CSMD1: variants seen among roughly 807,000 people sequenced by gnomAD.
CSMD1 encodes CUB and sushi domain-containing protein 1.
CSMD1 carries 213 observed loss-of-function variants against 417.5 expected under a neutral mutation model. The observed-to-expected ratio is 0.51, with a 90% confidence interval of 0.46 to 0.57. CSMD1 has a LOEUF of 0.57. CSMD1 is among the 20% of genes least tolerant of loss of function. CSMD1 has a pLI of 0.00. For synonymous variants in CSMD1, 2,862 were observed against 1,736.8 expected, an observed-to-expected ratio of 1.65 and a Z score of -16.11; for missense variants, 6,923 against 4,529.7, an observed-to-expected ratio of 1.53 and a Z score of -15.17.
At chr8:3,898,591 T>G (rs991671391) in intron 5 of CSMD1, among the ~76,000 whole-genome samples, 8 of 152,200 alleles carry the variant, frequency 5.3e-5, no homozygotes, top group African/African-American at 1.9e-4. Flanking sequence ...GAAAAAAGAT[T>G]TGCCTGGGGG....
At chr8:4,901,611 G>C (rs11136789) in intron 1 of CSMD1, among the ~76,000 whole-genome samples, 92,426 of 151,982 alleles carry the variant, frequency 0.61, 28,688 homozygotes, top group East Asian at 0.75. Flanking sequence ...ATTAGCCTTT[G>C]TCCCCATACT....
At chr8:4,186,572 G>C (rs537420080) in intron 3 of CSMD1, among the ~76,000 whole-genome samples, 42 of 152,262 alleles carry the variant, frequency 2.8e-4, no homozygotes, top group African/African-American at 9.6e-4. Context: ...ATAATAGGAA[G>C]GGTCTCAGCA....
chr8:4,288,765 G>C (rs1180115823), intron 3 of CSMD1, among the ~76,000 whole-genome samples: 1 of 152,130 alleles, frequency 6.6e-6, no homozygotes, highest in Non-Finnish European at 1.5e-5. Flanking sequence ...CCAACTCTAA[G>C]ATCTGATACC....
chr8:4,733,566 G>A (rs1810037337), intron 1 of CSMD1, among the ~76,000 whole-genome samples: 1 of 152,226 alleles, frequency 6.6e-6, no homozygotes, highest in Non-Finnish European at 1.5e-5. Context: ...ACAAAGCTAT[G>A]TGGTGTAAGA....
chr8:3,412,277 G>C (rs1318026336), intron 12 of CSMD1, among the ~76,000 whole-genome samples: 1 of 151,330 alleles, frequency 6.6e-6, no homozygotes, highest in African/African-American at 2.4e-5. Flanking sequence ...TTTTGCAATT[G>C]CAAATTGTGC....
At chr8:3,340,653 G>C (rs1484349511) in intron 23 of CSMD1, among the ~76,000 whole-genome samples, 1 of 152,062 alleles carries the variant, frequency 6.6e-6, no homozygotes, top group Non-Finnish European at 1.5e-5. Context: ...ATTTGATTCA[G>C]GTATTTGATG....
chr8:3,579,068 A>G (rs1032973158), intron 9 of CSMD1, among the ~76,000 whole-genome samples: 2 of 152,234 alleles, frequency 1.3e-5, no homozygotes, highest in African/African-American at 4.8e-5. Context: ...GATAATAACT[A>G]CGACCTAATG....
At chr8:2,951,926 T>G (rs920754132) in intron 65 of CSMD1, among the ~76,000 whole-genome samples, 4 of 152,218 alleles carry the variant, frequency 2.6e-5, no homozygotes, top group Non-Finnish European at 5.9e-5. Flanking sequence ...AATGTTTCTT[T>G]TATACATGTC....
At chr8:3,759,222 T>C (rs1232026482) in intron 5 of CSMD1, among the ~76,000 whole-genome samples, 1 of 152,204 alleles carries the variant, frequency 6.6e-6, no homozygotes, top group Non-Finnish European at 1.5e-5. Context: ...ATAGCTTTTA[T>C]ATGTCAACCA....
At chr8:3,772,356 T>C (rs13251175) in intron 5 of CSMD1, among the ~76,000 whole-genome samples, 11,588 of 85,670 alleles carry the variant, frequency 0.14, 2,100 homozygotes, top group Middle Eastern at 0.2. Flanking sequence ...TACATATATT[T>C]ATATATACAT....
chr8:4,127,957 C>T (rs950526772), intron 3 of CSMD1, among the ~76,000 whole-genome samples: 1 of 152,154 alleles, frequency 6.6e-6, no homozygotes, highest in Non-Finnish European at 1.5e-5. Context: ...TCTTGCAAAG[C>T]CTTGTGATAT....
Position 4,062,185 on chromosome 8 carries a change from G to A in CSMD1, c.416-30086C>T, listed in dbSNP as rs558447974. ...AAACACGCAAGACTTGCCAAGTGAC[G>A]GGAGTGAGGAAAGGCATTCCAAGCT... On this transcript the variant is annotated intron_variant, in intron 3 of 69. Transcript: ENST00000635120. Among the ~76,000 whole-genome samples the A allele has an allele frequency of 3.9e-5, 6 of 152,246 alleles. No individual in the cohort carries two copies. In the South Asian group the frequency reaches 1.2e-3, roughly 32 times the overall value.
intron 20 of CSMD1, among the ~76,000 whole-genome samples, chr8:3,361,288 C>A (rs1029673675): frequency 2.0e-5 from 3 of 151,956 alleles, no homozygotes; most frequent in Non-Finnish European, 2.9e-5. Flanking sequence ...TAAGGATATA[C>A]TGTGTGCACT....
intron 3 of CSMD1, among the ~76,000 whole-genome samples, chr8:4,062,012 G>A (rs754494729): frequency 1.3e-5 from 2 of 152,142 alleles, no homozygotes; most frequent in African/African-American, 4.8e-5. Context: ...TCAAGGTGTA[G>A]TGGGGAGGAG....
At chr8:4,977,637 C>T (rs1002586250) in intron 1 of CSMD1, among the ~76,000 whole-genome samples, 1 of 152,200 alleles carries the variant, frequency 6.6e-6, no homozygotes, top group Admixed American at 6.5e-5. Flanking sequence ...TGCTGCCTTA[C>T]CCCACGTGCA....
chr8:4,374,874 G>A (rs1054760481), intron 3 of CSMD1, among the ~76,000 whole-genome samples: 2 of 145,236 alleles, frequency 1.4e-5, no homozygotes, highest in South Asian at 2.1e-4. Context: ...TTAAACACAG[G>A]ACATGAAGCT....
At chr8:3,347,970 T>A (rs1348942496) in intron 22 of CSMD1, 22 bp downstream of exon 22, 1 of 1,532,222 alleles carries the variant, frequency 6.5e-7, no homozygotes, top group Non-Finnish European at 8.8e-7. Context: ...GGAGTCATCA[T>A]GTTGGAGAAG....
chr8:3,650,465 G>A (rs1797796982), intron 7 of CSMD1, among the ~76,000 whole-genome samples: 1 of 152,224 alleles, frequency 6.6e-6, no homozygotes, highest in African/African-American at 2.4e-5. Flanking sequence ...AACTCATCAT[G>A]CTCTAGGACT....
rs1352787146 is a variant in CSMD1 at position 3,357,976 on chromosome 8, T to TAA, written c.3304+1175_3304+1176insTT. Among the ~76,000 whole-genome samples the TAA allele has an allele frequency of 9.5e-4, 144 of 152,322 alleles. 1 individual carries two copies. Among genetic ancestry groups the TAA allele is most frequent in the Non-Finnish European group, 1.6e-3 (111 of 68,028 alleles). On this transcript the variant is annotated intron_variant, in intron 21 of 69. Transcript: ENST00000635120. The stretch of plus-strand genomic sequence containing the variant: ...ATTCTGACTGTGTATCTCTGGTTCG[T>TAA]TAAAATCCAGAAATATAGCTTTATC...
Sources: allele counts gnomAD v4.1 joint callset (sites outside exome capture counted in the v4.1 genomes callset), GRCh38; gene constraint gnomAD v4.1.1; transcripts MANE v1.5; gene names NCBI Gene and HGNC (gene_info 2026-07-23, HGNC 2026-07-21).